The following UNC79 variants were observed in gnomAD, a reference collection of about 807,000 sequenced individuals.
UNC79 encodes unc-79 subunit of NALCN channel complex.
Under a neutral mutation model 283.1 loss-of-function variants are expected in UNC79, and 37 were observed. That is an observed-to-expected ratio of 0.13 (90% confidence interval 0.10 to 0.17). The LOEUF (loss-of-function observed/expected upper bound fraction) is 0.17. Ranked by LOEUF, UNC79 falls within the 10% of genes least tolerant of loss-of-function variation. UNC79 has a pLI of 1.00. For missense variants in UNC79, 2,272 were observed against 3,211.1 expected (o/e 0.71, Z 7.07); for synonymous variants, 1,107 against 1,200.2 (o/e 0.92, Z 1.61).
intron 14 of UNC79, among the ~76,000 whole-genome samples, chr14:93,553,047 A>G (rs962734320): frequency 6.6e-6 from 1 of 152,244 alleles, no homozygotes; most frequent in Non-Finnish European, 1.5e-5. Flanking sequence ...TAAAATAACC[A>G]GTTTCCCCAG....
chr14:93,637,683 C>T (rs2068637922), intron 32 of UNC79, among the ~76,000 whole-genome samples: 1 of 152,156 alleles, frequency 6.6e-6, no homozygotes, highest in Non-Finnish European at 1.5e-5. Context: ...GTCACAAACT[C>T]CTGACCTCAG....
chr14:93,689,017 C>A, intron 44 of UNC79, 177 bp downstream of exon 47: 1 of 610,374 alleles, frequency 1.6e-6, no homozygotes, highest in Non-Finnish European at 2.5e-6. Flanking sequence ...CCAGAATGCT[C>A]TTTGACATGC....
intron 20 of UNC79, among the ~76,000 whole-genome samples, chr14:93,583,398 C>T (rs2063962345): frequency 6.6e-6 from 1 of 152,026 alleles, no homozygotes; most frequent in Admixed American, 6.6e-5. Context: ...ATGGGCTTGG[C>T]ATCATTTCTT....
At chr14:93,341,647 G>GCC (rs2053714067) in intron 1 of UNC79, among the ~76,000 whole-genome samples, 1 of 151,282 alleles carries the variant, frequency 6.6e-6, no homozygotes. Context: ...GGTGGTGCAT[G>GCC]CCTGTGTTCC....
intron 38 of UNC79, among the ~76,000 whole-genome samples, chr14:93,656,995 T>A (rs1229179533): frequency 6.6e-6 from 1 of 152,208 alleles, no homozygotes; most frequent in Non-Finnish European, 1.5e-5. Flanking sequence ...TTTTTCCAAA[T>A]GGGCAGATAC....
rs577683595 is a variant in UNC79, at chr14:93,369,197, GGTAGGAATGT to G, written c.-351+35677_-351+35686del. ...TGGTAGTAGTAAAGGAAATACATTA[GGTAGGAATGT>G]GTTCCAGACAATAAACTTGTGTGAA... On this transcript the variant is annotated intron_variant, in intron 1 of 49. Transcript: ENST00000256339. 2.7e-3 allele frequency among the ~76,000 whole-genome samples: 410 copies of G among 152,322 alleles called. 1 individual carries two copies. The highest frequency in any genetic ancestry group is 9.3e-3 in the African/African-American group (388 of 41,568).
chr14:93,402,097 G>A (rs1461052074), intron 1 of UNC79, among the ~76,000 whole-genome samples: 1 of 151,976 alleles, frequency 6.6e-6, no homozygotes, highest in African/African-American at 2.4e-5. Flanking sequence ...AGCCAGCATG[G>A]TGAAACCCCA....
intron 1 of UNC79, chr14:93,334,966 C>T (rs1478563922): frequency 1.3e-5 from 2 of 152,218 alleles, no homozygotes; most frequent in African/African-American, 2.4e-5. Context: ...CCACTGTTTA[C>T]ACTTATTACT....
chr14:93,344,547 T>G (rs1313026974), intron 1 of UNC79, among the ~76,000 whole-genome samples: 1 of 152,152 alleles, frequency 6.6e-6, no homozygotes, highest in Non-Finnish European at 1.5e-5. Flanking sequence ...AGGGCTTTCT[T>G]GCTAGGCAGG....
chr14:93,682,779 G>A (rs562674851), intron 42 of UNC79, 85 bp downstream of exon 45: 1 of 1,330,940 alleles, frequency 7.5e-7, no homozygotes, highest in East Asian at 2.4e-5. Flanking sequence ...TTACATCAGG[G>A]TTTGAGGCCT....
At chr14:93,363,630 A>G (rs922836895) in intron 1 of UNC79, among the ~76,000 whole-genome samples, 1 of 152,212 alleles carries the variant, frequency 6.6e-6, no homozygotes, top group African/African-American at 2.4e-5. Flanking sequence ...AACTTGTTTT[A>G]TGAATCTGGG....
At chr14:93,684,998 A>G (rs1411955822) in intron 42 of UNC79, among the ~76,000 whole-genome samples, 1 of 152,232 alleles carries the variant, frequency 6.6e-6, no homozygotes, top group Non-Finnish European at 1.5e-5. Context: ...CAAAGTAGAA[A>G]AAAAGGAGGA....
At chr14:93,358,905 C>T (rs979246698) in intron 1 of UNC79, among the ~76,000 whole-genome samples, 14 of 152,104 alleles carry the variant, frequency 9.2e-5, no homozygotes, top group Admixed American at 6.5e-4. Flanking sequence ...AAAGTCCCAG[C>T]GGGCCCCTAG....
chr14:93,552,289 T>C (rs1003817023), intron 14 of UNC79, among the ~76,000 whole-genome samples: 1 of 152,220 alleles, frequency 6.6e-6, no homozygotes, highest in African/African-American at 2.4e-5. Context: ...CAACTGTTAA[T>C]GGTGGGCATA....
chr14:93,662,708 C>T (rs1381613845), exon 40 of UNC79: 2 of 1,607,690 alleles, frequency 1.2e-6, no homozygotes, highest in Non-Finnish European at 1.7e-6. Flanking sequence ...ACCGAGCTTT[C>T]ACTAAGGTAA....
chr14:93,700,086 T>C (rs1028602437), intron 47 of UNC79, among the ~76,000 whole-genome samples: 3 of 151,772 alleles, frequency 2.0e-5, no homozygotes, highest in Non-Finnish European at 4.4e-5. Context: ...TTTTTTTTTT[T>C]TCAATACTTT....
At chr14:93,437,482 T>G (rs979975048) in intron 1 of UNC79, 18 of 152,222 alleles carry the variant, frequency 1.2e-4, no homozygotes, top group Non-Finnish European at 2.6e-4. Flanking sequence ...TCTAATATTT[T>G]CAGTGAGCAC....
At chr14:93,366,182 AG>A (rs2139953952) in intron 1 of UNC79, among the ~76,000 whole-genome samples, 1 of 152,340 alleles carries the variant, frequency 6.6e-6, no homozygotes, top group African/African-American at 2.4e-5. Context: ...CAAGGCCTTA[AG>A]GTTTCCCACG....
intron 14 of UNC79, among the ~76,000 whole-genome samples, chr14:93,570,232 A>G (rs144777617): frequency 7.2e-4 from 109 of 152,236 alleles, no homozygotes; most frequent in African/African-American, 2.5e-3. Context: ...TAATACCTCA[A>G]AGAATTGGGT....
Sources: gnomAD v4.1 joint callset for allele counts (sites outside exome capture counted in the v4.1 genomes callset) on GRCh38, gnomAD v4.1.1 for gene constraint, MANE v1.5 for transcripts, NCBI Gene and HGNC (gene_info 2026-07-23, HGNC 2026-07-21) for gene names.